Variants in ATP10B observed in about 807,000 individuals in gnomAD.
ATP10B encodes the protein phospholipid-transporting ATPase VB.
Under a neutral mutation model 141.2 loss-of-function variants are expected in ATP10B, and 122 were observed. That is an observed-to-expected ratio of 0.86 (90% CI 0.75 to 1.00). The LOEUF is 1.00. Ranked by LOEUF, ATP10B falls within the 50% of genes least tolerant of loss-of-function variation. The probability of loss-of-function intolerance (pLI) is 0.00; values close to 1 mark genes in which losing one functional copy is unlikely to be tolerated. For missense variants in ATP10B, 1,876 were observed against 1,825.3 expected, an observed-to-expected ratio of 1.03 and a Z score of -0.51; for synonymous variants, 685 against 692.0, an observed-to-expected ratio of 0.99 and a Z score of 0.16.
chr5:160,752,204 CA>C (rs1768206416), intron 2 of ATP10B, among the ~76,000 whole-genome samples: 1 of 84,012 alleles, frequency 1.2e-5, no homozygotes, highest in Non-Finnish European at 2.5e-5. Context: ...TCAGGAAAAA[CA>C]AAAACTATAT....
chr5:160,885,723 C>T, the ATP10B span, among the ~76,000 whole-genome samples: 1 of 152,126 alleles, frequency 6.6e-6, no homozygotes, highest in Non-Finnish European at 1.5e-5. Context: ...TCCCTTGTGC[C>T]TTATGAAAGT....
At chr5:160,782,446 C>T (rs1283835883) in intron 2 of ATP10B, among the ~76,000 whole-genome samples, 1 of 135,886 alleles carries the variant, frequency 7.4e-6, no homozygotes, top group African/African-American at 2.8e-5. Context: ...CATACACACA[C>T]ACACACACAC....
At chr5:160,750,696 G>T (rs147050675) in intron 2 of ATP10B, among the ~76,000 whole-genome samples, 162 of 151,934 alleles carry the variant, frequency 1.1e-3, no homozygotes, top group Non-Finnish European at 1.9e-3. Flanking sequence ...TCCTTATTAC[G>T]GTCCAGATAA....
At chr5:160,796,775 C>T (rs904214265) in intron 1 of ATP10B, among the ~76,000 whole-genome samples, 3 of 152,132 alleles carry the variant, frequency 2.0e-5, no homozygotes, top group Non-Finnish European at 4.4e-5. Flanking sequence ...AGAGTGGACT[C>T]CTCACACAGG....
chr5:160,669,967 A>G (rs1762575246), intron 7 of ATP10B, among the ~76,000 whole-genome samples: 1 of 141,838 alleles, frequency 7.1e-6, no homozygotes, highest in South Asian at 2.5e-4. Context: ...AGGAGGCTTA[A>G]GCACTGTTGA....
At chr5:160,822,340 T>TTTTA (rs1774173101) in intron 1 of ATP10B, among the ~76,000 whole-genome samples, 1 of 152,030 alleles carries the variant, frequency 6.6e-6, no homozygotes, top group Non-Finnish European at 1.5e-5. Flanking sequence ...TTAAAATGGC[T>TTTTA]TTTAACCAAA....
At chr5:160,591,216 T>C in intron 22 of ATP10B, 77 bp from the exon 23 acceptor site, 2 of 1,236,896 alleles carry the variant, frequency 1.6e-6, no homozygotes, top group East Asian at 2.3e-5. Flanking sequence ...TTCTTGCATG[T>C]GGCTGCGACA....
chr5:160,889,574 C>T, the ATP10B span, among the ~76,000 whole-genome samples: 2,321 of 152,270 alleles, frequency 0.015, 58 homozygotes, highest in African/African-American at 0.053. Flanking sequence ...AGCCTTTGAG[C>T]ACCTAGTGCA....
chr5:160,716,811 TGGTGTCATGAACCAAA>T, intron 3 of ATP10B, 82 bp downstream of exon 3: 1 of 798,114 alleles, frequency 1.3e-6, no homozygotes, highest in Non-Finnish European at 1.5e-6. Context: ...ATCATCAAGG[TGGTGTCATGAACCAAA>T]GGACTATTGG....
the ATP10B span, among the ~76,000 whole-genome samples, chr5:160,874,583 T>A: frequency 6.6e-6 from 1 of 152,100 alleles, no homozygotes; most frequent in Non-Finnish European, 1.5e-5. Context: ...ATCAAATTAC[T>A]CTGAGCTACA....
the ATP10B span, among the ~76,000 whole-genome samples, chr5:160,872,466 G>C: frequency 1.3e-5 from 2 of 152,142 alleles, no homozygotes; most frequent in African/African-American, 4.8e-5. Flanking sequence ...CCAATGTCTA[G>C]AAAGGCTTTT....
chr5:160,881,584 G>T, the ATP10B span, among the ~76,000 whole-genome samples: 3 of 152,176 alleles, frequency 2.0e-5, no homozygotes, highest in African/African-American at 7.2e-5. Flanking sequence ...AGGCCGAGGC[G>T]GGTGGATCAC....
At chr5:160,635,498 C>T (rs184830229) in intron 11 of ATP10B, among the ~76,000 whole-genome samples, 49 of 152,174 alleles carry the variant, frequency 3.2e-4, no homozygotes, top group East Asian at 1.4e-3. Flanking sequence ...TGATTTAATT[C>T]GCATTTAAAA....
intron 18 of ATP10B, among the ~76,000 whole-genome samples, chr5:160,607,298 A>G (rs1483708442): frequency 6.6e-6 from 1 of 152,234 alleles, no homozygotes; most frequent in African/African-American, 2.4e-5. Context: ...AAAATAGAAG[A>G]CACTGCTTGT....
At chr5:160,674,056 T>C (rs542495101) in intron 6 of ATP10B, among the ~76,000 whole-genome samples, 24 of 152,302 alleles carry the variant, frequency 1.6e-4, no homozygotes, top group African/African-American at 5.5e-4. Context: ...ATAATGCCTT[T>C]GGGGATGTGG....
chr5:160,812,425 A>AC (rs1561880623), intron 1 of ATP10B, among the ~76,000 whole-genome samples: 1 of 152,220 alleles, frequency 6.6e-6, no homozygotes, highest in Non-Finnish European at 1.5e-5. Flanking sequence ...CCAGGGACCA[A>AC]TCCTGGAGAA....
At chr5:160,908,417 A>C in the ATP10B span, among the ~76,000 whole-genome samples, 1 of 152,206 alleles carries the variant, frequency 6.6e-6, no homozygotes, top group Non-Finnish European at 1.5e-5. Context: ...TCATTGAACT[A>C]GTAAGTGAAA....
intron 2 of ATP10B, among the ~76,000 whole-genome samples, chr5:160,730,162 GC>G (rs11330990): frequency 0.17 from 25,841 of 152,022 alleles, 2,596 homozygotes; most frequent in East Asian, 0.46. Flanking sequence ...TGCTGACAAA[GC>G]CCACAGTGAG....
the ATP10B span, among the ~76,000 whole-genome samples, chr5:160,900,289 T>C: frequency 0.46 from 69,811 of 151,696 alleles, 17,115 homozygotes; most frequent in Non-Finnish European, 0.54. Context: ...TGTTCTAGTC[T>C]CCTTTTAAAT....
Sources: gnomAD v4.1 joint callset for allele counts (sites outside exome capture counted in the v4.1 genomes callset) on GRCh38, gnomAD v4.1.1 for gene constraint, MANE v1.5 for transcripts, NCBI Gene and HGNC (gene_info 2026-07-23, HGNC 2026-07-21) for gene names.